Variants in DGKH observed in about 807,000 individuals in gnomAD.
DGKH encodes diacylglycerol kinase eta.
A neutral mutation model predicts 159.3 loss-of-function variants in DGKH; 90 were observed. That is an observed-to-expected ratio of 0.57 (90% confidence interval 0.48 to 0.67). The LOEUF (loss-of-function observed/expected upper bound fraction) is 0.67, where lower values mean the gene tolerates loss of function less well. Among genes scored for constraint, DGKH ranks in the 30% least tolerant of loss-of-function variants. The pLI is 0.00. For synonymous variants in DGKH, 536 were observed against 553.8 expected (o/e 0.97, Z 0.45); for missense variants, 1,181 against 1,506.1 (o/e 0.78, Z 3.57).
Position 42,070,436 on chromosome 13 carries a change from C to G in DGKH, c.192+21471C>G, listed in dbSNP as rs1188523556. The G allele has an allele frequency of 2.3e-6, 3 of 1,318,962 alleles. No individual in the cohort carries two copies. In the East Asian group the frequency reaches 6.9e-5, roughly 30 times the overall value. The allele number at this position is 1,318,962 out of a possible 1,614,324, so 81.7% of individuals were successfully genotyped here. ...AACAGTCAGCATTTCAGCAGAGATG[C>G]AGCCTGCAGCCCACATGTCAATGGC... is the stretch of plus-strand genomic sequence containing the variant. On this transcript the variant is annotated intron_variant, in intron 1 of 29. Coordinates refer to ENST00000337343, the MANE Select transcript of DGKH (RefSeq NM_178009.5).
intron 1 of DGKH, among the ~76,000 whole-genome samples, chr13:42,075,535 G>A (rs1167751339): frequency 1.3e-5 from 2 of 152,120 alleles, no homozygotes; most frequent in Non-Finnish European, 2.9e-5. Flanking sequence ...TCTTTCAGAA[G>A]CCCCTTTGAA....
At chr13:42,206,169 T>C in intron 21 of DGKH, 23 bp downstream of exon 21, 1 of 1,341,048 alleles carries the variant, frequency 7.5e-7, no homozygotes, top group Non-Finnish European at 9.8e-7. Flanking sequence ...AGTAAATAGT[T>C]TGTTTCCTCA....
rs1958496479 is a variant in DGKH, at chr13:42,240,571, G to A, written c.*11383G>A. 6.6e-6 allele frequency: 1 copy of A among 152,068 alleles called. No individual in the cohort carries two copies. The highest frequency in any genetic ancestry group is 2.1e-4 in the South Asian group (1 of 4,830). The allele number at this position is 152,068 out of a possible 1,614,324, so 9.4% of individuals were successfully genotyped here. ...AAGAATCAAAAGCAATAGTGATGGT[G>A]GAATTTTTAAATAATATTCAGCTGG... is the stretch of plus-strand genomic sequence containing the variant. On this transcript the variant is annotated 3_prime_UTR_variant, in exon 30 of 30. Transcript: ENST00000337343.
downstream of DGKH, among the ~76,000 whole-genome samples, chr13:42,246,121 G>A (rs1958578157): frequency 6.6e-6 from 1 of 152,148 alleles, no homozygotes; most frequent in African/African-American, 2.4e-5. Flanking sequence ...AGCAATCCAA[G>A]GATCTGAACC....
At chr13:42,245,837 C>A (rs967369993), downstream of DGKH, among the ~76,000 whole-genome samples, 2 of 152,162 alleles carry the variant, frequency 1.3e-5, no homozygotes, top group African/African-American at 4.8e-5. Flanking sequence ...CCTGCCTCAG[C>A]CTCCCAAAGT....
At chr13:42,151,205 G>A (rs1417711757) in intron 3 of DGKH, among the ~76,000 whole-genome samples, 1 of 151,990 alleles carries the variant, frequency 6.6e-6, no homozygotes, top group Admixed American at 6.5e-5. Flanking sequence ...GGTGAAGTCT[G>A]GATTTTTAGT....
intron 1 of DGKH, among the ~76,000 whole-genome samples, chr13:42,051,054 A>T (rs1229865158): frequency 6.6e-6 from 1 of 152,246 alleles, no homozygotes; most frequent in Non-Finnish European, 1.5e-5. Context: ...TATAGGTTTC[A>T]TGCGCTCGTT....
chr13:42,252,943 T>C (rs570849976), intron 30 of DGKH, among the ~76,000 whole-genome samples: 78 of 152,264 alleles, frequency 5.1e-4, no homozygotes, highest in African/African-American at 1.8e-3. Flanking sequence ...AGACAGGGTA[T>C]CACTATGTTG....
chr13:42,145,198 G>A (rs150722588), intron 3 of DGKH, among the ~76,000 whole-genome samples: 16 of 152,242 alleles, frequency 1.1e-4, no homozygotes, highest in East Asian at 5.8e-4. Flanking sequence ...TTTAAGCTTC[G>A]CTGAGCCCAA....
intron 3 of DGKH, among the ~76,000 whole-genome samples, chr13:42,142,326 G>A (rs1435908264): frequency 6.6e-6 from 1 of 151,990 alleles, no homozygotes; most frequent in African/African-American, 2.4e-5. Flanking sequence ...AAGTCAGGTA[G>A]CGTGATGCCT....
At chr13:42,053,930 A>G (rs1881561228) in intron 1 of DGKH, among the ~76,000 whole-genome samples, 1 of 152,134 alleles carries the variant, frequency 6.6e-6, no homozygotes, top group Non-Finnish European at 1.5e-5. Flanking sequence ...AAAAACATGT[A>G]TTTTTAAGCC....
At chr13:42,122,014 G>A (rs993984941) in intron 1 of DGKH, among the ~76,000 whole-genome samples, 7 of 152,112 alleles carry the variant, frequency 4.6e-5, no homozygotes, top group Admixed American at 1.3e-4. Flanking sequence ...TCTTTCTGAG[G>A]TGCGGCATGA....
At chr13:42,215,445 A>T (rs1957765505) in intron 25 of DGKH, 130 bp from the exon 26 acceptor site, 1 of 631,940 alleles carries the variant, frequency 1.6e-6, no homozygotes. Flanking sequence ...AAACTTTGCG[A>T]TTATAGAATT....
chr13:42,207,838 A>G (rs562143841), intron 21 of DGKH, among the ~76,000 whole-genome samples: 1 of 151,880 alleles, frequency 6.6e-6, no homozygotes, highest in Non-Finnish European at 1.5e-5. Context: ...TCTTAAATGG[A>G]CAGATAGGGA....
At chr13:42,170,978 A>G (rs972554841) in intron 11 of DGKH, among the ~76,000 whole-genome samples, 2 of 151,608 alleles carry the variant, frequency 1.3e-5, no homozygotes, top group Non-Finnish European at 2.9e-5. Context: ...TTAAAAAGTC[A>G]TTGTTTAATG....
intron 3 of DGKH, among the ~76,000 whole-genome samples, chr13:42,148,987 T>C (rs1955810742): frequency 7.8e-6 from 1 of 128,082 alleles, no homozygotes; most frequent in Non-Finnish European, 1.6e-5. Context: ...CACTCTTGGC[T>C]GGGCTGGAAT....
intron 1 of DGKH, among the ~76,000 whole-genome samples, chr13:42,063,946 A>ATAT (rs1344394945): frequency 9.2e-6 from 1 of 109,040 alleles, no homozygotes; most frequent in Non-Finnish European, 2.1e-5. Context: ...TCTGAAAAAA[A>ATAT]AAATATATAT....
At chr13:42,200,715 C>A (rs1594195617) in intron 20 of DGKH, among the ~76,000 whole-genome samples, 1 of 152,166 alleles carries the variant, frequency 6.6e-6, no homozygotes, top group East Asian at 1.9e-4. Flanking sequence ...AAAGAGGTGT[C>A]TCGCTCATTC....
intron 29 of DGKH, among the ~76,000 whole-genome samples, chr13:42,251,998 G>A (rs1341104202): frequency 6.6e-6 from 1 of 152,180 alleles, no homozygotes; most frequent in Non-Finnish European, 1.5e-5. Context: ...CTTTGAATGG[G>A]TGAGGAGAGT....
Sources: gnomAD v4.1 joint callset for allele counts (sites outside exome capture counted in the v4.1 genomes callset) on GRCh38, gnomAD v4.1.1 for gene constraint, MANE v1.5 for transcripts, NCBI Gene and HGNC (gene_info 2026-07-23, HGNC 2026-07-21) for gene names.